PACRG: variants seen among roughly 807,000 people sequenced by gnomAD.
PACRG encodes the protein parkin coregulated, also known as parkin coregulated gene protein.
Under a neutral mutation model 29.7 loss-of-function variants are expected in PACRG, and 29 were observed. The observed-to-expected ratio is 0.98, with a 90% CI of 0.73 to 1.33. The LOEUF (loss-of-function observed/expected upper bound fraction) is 1.33, where lower values mean the gene tolerates loss of function less well. PACRG is among the 40% of genes most tolerant of loss of function. The pLI is 0.00. For synonymous variants in PACRG, 116 were observed against 118.7 expected (o/e 0.98, Z 0.15); for missense variants, 279 against 316.2 (o/e 0.88, Z 0.89).
chr6:163,035,831 A>AC (rs1808133925), intron 2 of PACRG, among the ~76,000 whole-genome samples: 1 of 151,298 alleles, frequency 6.6e-6, no homozygotes, highest in South Asian at 2.1e-4. Flanking sequence ...AAAAAAAAAA[A>AC]AAACAAAGAA....
chr6:162,762,910 G>A (rs1782490700), intron 1 of PACRG, among the ~76,000 whole-genome samples: 1 of 152,166 alleles, frequency 6.6e-6, no homozygotes, highest in African/African-American at 2.4e-5. Flanking sequence ...TGTGCACTAT[G>A]TTGTTTCTTT....
At chr6:162,759,748 T>C (rs1284321384) in intron 1 of PACRG, among the ~76,000 whole-genome samples, 2 of 152,198 alleles carry the variant, frequency 1.3e-5, no homozygotes, top group African/African-American at 4.8e-5. Context: ...GAATGGGTGA[T>C]TATATAGGAA....
intron 2 of PACRG, among the ~76,000 whole-genome samples, chr6:162,859,814 T>C (rs1791706381): frequency 6.6e-6 from 1 of 152,144 alleles, no homozygotes; most frequent in African/African-American, 2.4e-5. Flanking sequence ...CTGGAACCTA[T>C]GCAAAAAAAT....
intron 2 of PACRG, among the ~76,000 whole-genome samples, chr6:162,987,656 A>G (rs1803023107): frequency 6.6e-6 from 1 of 152,164 alleles, no homozygotes; most frequent in South Asian, 2.1e-4. Flanking sequence ...CGGAACTATG[A>G]GTCCATTAAA....
chr6:162,737,504 T>A lies in PACRG; in HGVS notation c.156+9113T>A, dbSNP rs915913721. ...TTATTATGTAATATTTTATTCCCCA[T>A]TGCTTTGTGTGTTCTTTTTCTTTTT... On this transcript the variant is annotated intron_variant, in intron 1 of 4. Transcript: ENST00000366888. Among the ~76,000 whole-genome samples, 5 of 152,302 alleles carry A rather than the reference T, an allele frequency of 3.3e-5. No homozygotes were observed. In the East Asian group the frequency reaches 9.6e-4, roughly 29 times the overall value.
At chr6:163,203,308 G>A (rs1418721911) in intron 4 of PACRG, among the ~76,000 whole-genome samples, 1 of 152,138 alleles carries the variant, frequency 6.6e-6, no homozygotes, top group African/African-American at 2.4e-5. Flanking sequence ...AGCTACTCAG[G>A]AGGCTGAGGC....
chr6:163,169,941 G>A (rs546996127), intron 4 of PACRG, among the ~76,000 whole-genome samples: 4 of 152,264 alleles, frequency 2.6e-5, no homozygotes, highest in East Asian at 1.9e-4. Flanking sequence ...CCACTTTCTC[G>A]CTGTGTCCTC....
chr6:162,882,602 C>T (rs1793983908), intron 2 of PACRG, among the ~76,000 whole-genome samples: 2 of 152,172 alleles, frequency 1.3e-5, no homozygotes, highest in African/African-American at 2.4e-5. Flanking sequence ...GTGAACAAAG[C>T]TCACCTCCTG....
chr6:162,893,085 G>C (rs1794907664), intron 2 of PACRG, among the ~76,000 whole-genome samples: 1 of 143,768 alleles, frequency 7.0e-6, no homozygotes, highest in African/African-American at 2.5e-5. Flanking sequence ...TCCACTAAGA[G>C]GTAAGCGGGG....
intron 1 of PACRG, among the ~76,000 whole-genome samples, chr6:162,794,377 A>G (rs1785199670): frequency 6.6e-6 from 1 of 152,100 alleles, no homozygotes; most frequent in African/African-American, 2.4e-5. Flanking sequence ...GCTTGTATAT[A>G]TCTATTTGGA....
chr6:162,797,697 G>A (rs557236561), intron 1 of PACRG, among the ~76,000 whole-genome samples: 325 of 152,146 alleles, frequency 2.1e-3, no homozygotes, highest in East Asian at 0.011. Flanking sequence ...CTTCAATTAT[G>A]ATAAGGTAGC....
At chr6:163,229,399 A>G (rs6916948) in intron 4 of PACRG, among the ~76,000 whole-genome samples, 89,714 of 152,114 alleles carry the variant, frequency 0.59, 26,865 homozygotes, top group African/African-American at 0.7. Flanking sequence ...CAAAAAATCC[A>G]GTATTTGTGA....
intron 2 of PACRG, among the ~76,000 whole-genome samples, chr6:163,053,716 T>C (rs968897975): frequency 2.0e-5 from 3 of 152,136 alleles, no homozygotes; most frequent in Non-Finnish European, 4.4e-5. Context: ...GTAGAATACA[T>C]AAATTTATAG....
intron 4 of PACRG, among the ~76,000 whole-genome samples, chr6:163,248,208 C>G (rs1782765390): frequency 6.6e-6 from 1 of 152,204 alleles, no homozygotes. Context: ...AGGAGCCTGT[C>G]ACAATCATGT....
At chr6:162,846,902 C>T (rs767402936) in intron 2 of PACRG, among the ~76,000 whole-genome samples, 1 of 151,432 alleles carries the variant, frequency 6.6e-6, no homozygotes, top group African/African-American at 2.4e-5. Flanking sequence ...CTGTGCTCCC[C>T]ACACTGTCCA....
At chr6:163,118,403 G>C (rs1488073794) in intron 4 of PACRG, among the ~76,000 whole-genome samples, 1 of 152,212 alleles carries the variant, frequency 6.6e-6, no homozygotes, top group African/African-American at 2.4e-5. Flanking sequence ...GGGAAGGTTT[G>C]AGAGAAGTGA....
rs565181145 is a variant in PACRG, at chr6:163,000,463, G to C, written c.292-61687G>C. On this transcript the variant is annotated intron_variant, in intron 2 of 4. Coordinates refer to ENST00000366888, the MANE Select transcript of PACRG (RefSeq NM_001080379.2). ...CCAGTGGGTCCTGTGTGGTCCAAAGGGGTCCCTGTCGCTCCAAACAGAAGA... is the reference window on the plus strand; with the variant it reads ...CCAGTGGGTCCTGTGTGGTCCAAAGCGGTCCCTGTCGCTCCAAACAGAAGA... Among the ~76,000 whole-genome samples, 4 of 152,204 alleles carry C rather than the reference G, an allele frequency of 2.6e-5. No homozygotes were observed. The South Asian group carries it at 8.3e-4, about 32-fold the overall frequency.
At chr6:163,127,312 A>G (rs1268693839) in intron 4 of PACRG, among the ~76,000 whole-genome samples, 1 of 152,242 alleles carries the variant, frequency 6.6e-6, no homozygotes, top group African/African-American at 2.4e-5. Flanking sequence ...TTAAAGGACA[A>G]ATTGCCTCGG....
Position 162,946,651 on chromosome 6 carries a change from G to A in PACRG, c.292-115499G>A, listed in dbSNP as rs146640947. On this transcript the variant is annotated intron_variant, in intron 2 of 4. Transcript: ENST00000366888. ...ACTCATTCTAAGAAGCCAGCATTACGTTTATTCCAAAACCAGTCAAAGATG... is the reference window on the plus strand; with the variant it reads ...ACTCATTCTAAGAAGCCAGCATTACATTTATTCCAAAACCAGTCAAAGATG... Among the ~76,000 whole-genome samples, 24 of 152,024 alleles carry A rather than the reference G, an allele frequency of 1.6e-4. No homozygotes were observed. The East Asian group carries it at 2.7e-3, about 17-fold the overall frequency.
Sources: gnomAD v4.1 joint callset for allele counts (sites outside exome capture counted in the v4.1 genomes callset) on GRCh38, gnomAD v4.1.1 for gene constraint, MANE v1.5 for transcripts, NCBI Gene and HGNC (gene_info 2026-07-23, HGNC 2026-07-21) for gene names.